Variants in CEBPZ observed in about 807,000 individuals in gnomAD.
The protein encoded by CEBPZ is CCAAT enhancer binding protein zeta.
In CEBPZ, 78 loss-of-function variants were observed where a neutral mutation model predicts 104.5. That is an observed-to-expected ratio of 0.75 (90% confidence interval 0.62 to 0.90). The LOEUF is 0.90. CEBPZ is among the 40% of genes least tolerant of loss of function. The probability of loss-of-function intolerance (pLI) is 0.00; values close to 1 mark genes in which losing one functional copy is unlikely to be tolerated. For missense variants in CEBPZ, 1,439 were observed against 1,233.5 expected (o/e 1.17, Z -2.50); for synonymous variants, 470 against 427.0 (o/e 1.10, Z -1.24).
chr2:37,205,761 C>A (rs1001876418), intron 13 of CEBPZ, among the ~76,000 whole-genome samples: 67 of 152,186 alleles, frequency 4.4e-4, no homozygotes, highest in African/African-American at 1.5e-3. Context: ...ACATTTTTAT[C>A]AAAAATCTTA....
Position 37,216,126 on chromosome 2 carries a change from A to T in CEBPZ, c.2380+14T>A. ...TTGTCTTTTCAGTTTCAACTGTCTAAGGTTTATACTTACCAGGAAGATGAC... is the reference window on the plus strand; with the variant it reads ...TTGTCTTTTCAGTTTCAACTGTCTATGGTTTATACTTACCAGGAAGATGAC... On this transcript the variant is annotated intron_variant, in intron 8 of 15. Transcript: ENST00000234170. 1 of 1,586,918 alleles carries T rather than the reference A, an allele frequency of 6.3e-7. No homozygotes were observed. Among genetic ancestry groups the T allele is most frequent in the Non-Finnish European group, 8.6e-7 (1 of 1,160,024 alleles).
At chr2:37,209,733 A>G (rs1043874292) in intron 13 of CEBPZ, 2 of 152,216 alleles carry the variant, frequency 1.3e-5, no homozygotes, top group African/African-American at 4.8e-5. Flanking sequence ...GCTTAAGTAG[A>G]GTTCATGACC....
Position 37,227,695 on chromosome 2 carries a change from C to T in CEBPZ, c.1498G>A (p.Gly500Ser), listed in dbSNP as rs765532335. ...ATCTGCTCCCTTACTTTGTCATCAC[C>T]AGTCTGGGAATAAGGGTATGCCCTA... The part of the protein sequence containing the change: ...VNRAYPYSQT[G>S]DDKVREQIDT... Residue 500 changes from glycine (G) to serine (S), a missense_variant, in exon 2 of 16, where the codon GGT becomes AGT. By Grantham distance (56) the Gly-to-Ser change is moderately conservative. Transcript: ENST00000234170. 7.4e-6 allele frequency: 12 copies of T among 1,614,160 alleles called. No homozygotes were observed. The East Asian group carries it at 2.7e-4, about 36-fold the overall frequency.
At chr2:37,202,285 G>A (rs1483047101) in intron 15 of CEBPZ, 7 of 157,122 alleles carry the variant, frequency 4.5e-5, no homozygotes, top group African/African-American at 1.7e-4. Context: ...AATCTTACAT[G>A]TTCTCCTGAG....
At chr2:37,211,621 A>G (rs2239650) in intron 12 of CEBPZ, 50,182 of 463,018 alleles carry the variant, frequency 0.11, 4,587 homozygotes, top group East Asian at 0.39. Context: ...GGTTAAAGTA[A>G]AAGTCCAAAG....
chr2:37,222,529 T>A lies in CEBPZ; in HGVS notation c.1916A>T (p.Asn639Ile), dbSNP rs3180252. 1.3e-6 allele frequency: 2 copies of A among 1,591,532 alleles called. No homozygotes were observed. The highest frequency in any genetic ancestry group is 3.8e-5 in the Admixed American group (2 of 53,260). Reference sequence around the variant, plus strand: ...GAATTTTTCCATGTCTTCATCATCATTTGCATCAATAAAATTTTCTTCATC... The same window carrying A: ...GAATTTTTCCATGTCTTCATCATCAATTGCATCAATAAAATTTTCTTCATC... Reference protein sequence around the residue: ...SDDEENFIDANDDEDMEKFTD... With the variant: ...SDDEENFIDAIDDEDMEKFTD... Residue 639 changes from asparagine to isoleucine, a missense_variant, in exon 4 of 16, where the codon AAT becomes ATT. Physicochemically the swap from Asn to Ile is moderately radical, Grantham distance 149 (BLOSUM62 -3). Transcript: ENST00000234170.
rs566941672 is a variant in CEBPZ at position 37,206,405 on chromosome 2, G to A, written c.2885-3397C>T. Among the ~76,000 whole-genome samples the A allele has an allele frequency of 3.3e-5, 5 of 152,318 alleles. No individual in the cohort carries two copies. The South Asian group carries it at 6.2e-4, about 19-fold the overall frequency. On this transcript the variant is annotated intron_variant, in intron 13 of 15. Coordinates refer to ENST00000234170, the MANE Select transcript of CEBPZ (RefSeq NM_005760.3). ...TGGAATCTTGCTCTGTCGCCCAGGC[G>A]GGAAGGCAGTGGTGTGATCTTGGCT...
intron 5 of CEBPZ, among the ~76,000 whole-genome samples, chr2:37,217,563 T>C (rs922184649): frequency 2.6e-5 from 4 of 152,116 alleles, no homozygotes; most frequent in African/African-American, 9.7e-5. Context: ...ACCTATGTTA[T>C]AAAAATAAAC....
intron 13 of CEBPZ, 186 bp downstream of exon 13, chr2:37,210,813 A>C: frequency 2.1e-6 from 1 of 483,008 alleles, no homozygotes; most frequent in Non-Finnish European, 3.7e-6. Flanking sequence ...GATGATCCAG[A>C]GATATCTGAA....
chr2:37,214,550 AAAG>A lies in CEBPZ; in HGVS notation c.2447+333_2447+335del, dbSNP rs773864320. On this transcript the variant is annotated intron_variant, in intron 9 of 15. Coordinates refer to ENST00000234170, the MANE Select transcript of CEBPZ (RefSeq NM_005760.3). ...AAGGAAATTAAAGGCTAAATTCCAA[AAAG>A]AAGCATAAAACAAAATTTATATGCT... 2.6e-5 allele frequency among the ~76,000 whole-genome samples: 4 copies of A among 152,296 alleles called. No homozygotes were observed. The East Asian group carries it at 5.8e-4, about 22-fold the overall frequency.
chr2:37,204,332 C>T lies in CEBPZ; in HGVS notation c.2885-1324G>A, dbSNP rs1677445291. The T allele has an allele frequency of 5.0e-5, 7 of 139,350 alleles. No individual in the cohort carries two copies. In the Admixed American group the frequency reaches 5.5e-4, roughly 11 times the overall value. 8.6% of individuals were successfully genotyped at this position (139,350 alleles called of 1,614,324 possible). A position where few individuals can be genotyped will look rare whatever the true frequency, so the allele number is the denominator to read the frequency against. On this transcript the variant is annotated intron_variant, in intron 13 of 15. Coordinates refer to ENST00000234170, the MANE Select transcript of CEBPZ (RefSeq NM_005760.3). Reference sequence around the variant, plus strand: ...CTCGCTTTGTCGCCAGGCTGGAGTACAGGGGCGTGATCTCGGCTCACTGCA... The same window carrying T: ...CTCGCTTTGTCGCCAGGCTGGAGTATAGGGGCGTGATCTCGGCTCACTGCA...
chr2:37,223,088 G>T, intron 3 of CEBPZ, 82 bp downstream of exon 3: 1 of 1,149,006 alleles, frequency 8.7e-7, no homozygotes, highest in Non-Finnish European at 1.3e-6. Flanking sequence ...CTAGGTTACT[G>T]TCATTTGAAG....
In CEBPZ at chr2:37,231,568, G is replaced by A. The variant is rs3213745; in HGVS notation, c.-1C>T. ...CCAAAGGCTCCTTGACTGCGGCCATGGCGGGCAAAGCATACGCGCGTGAAA... is the reference window on the plus strand; with the variant it reads ...CCAAAGGCTCCTTGACTGCGGCCATAGCGGGCAAAGCATACGCGCGTGAAA... On this transcript the variant is annotated 5_prime_UTR_variant, in exon 1 of 16. Transcript: ENST00000234170. 0.37 allele frequency: 597,072 copies of A among 1,614,028 alleles called. 114,271 individuals are homozygous for A. Among genetic ancestry groups the A allele is most frequent in the East Asian group, 0.43 (19,413 of 44,876 alleles).
intron 2 of CEBPZ, among the ~76,000 whole-genome samples, chr2:37,226,339 T>A (rs577323668): frequency 6.6e-6 from 1 of 152,288 alleles, no homozygotes; most frequent in South Asian, 2.1e-4. Context: ...TGGATGACTA[T>A]CAGTAATAAG....
intron 2 of CEBPZ, among the ~76,000 whole-genome samples, chr2:37,225,206 G>A (rs1664855295): frequency 6.6e-6 from 1 of 152,196 alleles, no homozygotes; most frequent in Admixed American, 6.5e-5. Flanking sequence ...GTGGACCAGA[G>A]CAATCAGTGC....
chr2:37,213,255 G>A (rs536935582), intron 10 of CEBPZ, among the ~76,000 whole-genome samples: 35 of 152,180 alleles, frequency 2.3e-4, no homozygotes, highest in African/African-American at 8.4e-4. Context: ...ATTATGAATA[G>A]TAAAAAGGAT....
rs558584539 is a variant in CEBPZ, at chr2:37,226,803, G to A, written c.1649+741C>T. 2.6e-5 allele frequency among the ~76,000 whole-genome samples: 4 copies of A among 152,142 alleles called. No homozygotes were observed. In the South Asian group the frequency reaches 6.2e-4, roughly 24 times the overall value. ...TTTCTTGAACACAGTTGCTATGTTC[G>A]ACTGTCTCTTAAACAGCTCCAAACT... is the stretch of plus-strand genomic sequence containing the variant. On this transcript the variant is annotated intron_variant, in intron 2 of 15. Coordinates refer to ENST00000234170, the MANE Select transcript of CEBPZ (RefSeq NM_005760.3).
Position 37,223,310 on chromosome 2 carries a change from G to A in CEBPZ, c.1741C>T (p.Arg581Cys), listed in dbSNP as rs201963398. Reference protein sequence around the residue: ...YKSLKADIVLRRVKAFVKRLL... With the variant: ...YKSLKADIVLCRVKAFVKRLL... ...CTCTTCACAAAAGCCTTCACCCGGC[G>A]CAACACAATGTCAGCTTTCAGAGAT... The change falls in exon 3 of 16, where the codon CGC becomes TGC. Residue 581 changes from arginine to cysteine, a missense_variant. By Grantham distance (180) the Arg-to-Cys change is radical. Coordinates refer to ENST00000234170, the MANE Select transcript of CEBPZ (RefSeq NM_005760.3). The A allele has an allele frequency of 3.2e-5, 52 of 1,613,956 alleles. No individual in the cohort carries two copies. Among genetic ancestry groups the A allele is most frequent in the Middle Eastern group, 1.6e-4 (1 of 6,084 alleles).
intron 13 of CEBPZ, chr2:37,209,144 C>T (rs939581436): frequency 6.6e-6 from 1 of 151,844 alleles, no homozygotes; most frequent in Non-Finnish European, 1.5e-5. Context: ...AAAGAAACCA[C>T]AGACACACAC....
Sources: allele counts gnomAD v4.1 joint callset (sites outside exome capture counted in the v4.1 genomes callset), GRCh38; gene constraint gnomAD v4.1.1; transcripts MANE v1.5; gene names NCBI Gene and HGNC (gene_info 2026-07-23, HGNC 2026-07-21).